EPB41L4A: variants seen among roughly 807,000 people sequenced by gnomAD.
The protein encoded by EPB41L4A is erythrocyte membrane protein band 4.1 like 4A.
EPB41L4A carries 100 observed loss-of-function variants against 108.6 expected under a neutral mutation model. The ratio of observed to expected loss-of-function variants is 0.92; its 90% confidence interval spans 0.78 to 1.09. EPB41L4A has a LOEUF of 1.09. Among genes scored for constraint, EPB41L4A ranks in the 50% least tolerant of loss-of-function variants. The pLI, the probability that EPB41L4A is intolerant of heterozygous loss-of-function variation, is 0.00. For missense variants in EPB41L4A, 1,030 were observed against 842.7 expected (o/e 1.22, Z -2.75); for synonymous variants, 319 against 289.0 (o/e 1.10, Z -1.05).
rs1762923800 is a variant in EPB41L4A at position 112,419,232 on chromosome 5, G to C, written c.-193C>G. 1 of 456,002 alleles carries C rather than the reference G, an allele frequency of 2.2e-6. No individual in the cohort carries two copies. Among genetic ancestry groups the C allele is most frequent in the Non-Finnish European group, 3.9e-6 (1 of 257,846 alleles). 28.2% of individuals were successfully genotyped at this position (456,002 alleles called of 1,614,324 possible). A position where few individuals can be genotyped will look rare whatever the true frequency, so the allele number is the denominator to read the frequency against. ...GGGAGCGAGAAAGGCGGAAAAGCCC[G>C]GGAGAGTCAGCGCCCGGGAGCCGCC... On this transcript the variant is annotated 5_prime_UTR_variant, in exon 1 of 23. Coordinates refer to ENST00000261486, the MANE Select transcript of EPB41L4A (RefSeq NM_022140.5).
rs1050520134 is a variant in EPB41L4A at position 112,289,872 on chromosome 5, G to C, written c.205-9549C>G. 5.3e-5 allele frequency among the ~76,000 whole-genome samples: 8 copies of C among 152,366 alleles called. No individual in the cohort carries two copies. The East Asian group carries it at 1.5e-3, about 29-fold the overall frequency. On this transcript the variant is annotated intron_variant, in intron 2 of 22. Coordinates refer to ENST00000261486, the MANE Select transcript of EPB41L4A (RefSeq NM_022140.5). The stretch of plus-strand genomic sequence containing the variant: ...GTAATTTAAAGCCCCTACATTTTGA[G>C]AGGGCTAGTTACACAACAAAGAGTA...
At chr5:112,358,769 G>C (rs1046434147) in intron 1 of EPB41L4A, among the ~76,000 whole-genome samples, 4 of 152,172 alleles carry the variant, frequency 2.6e-5, no homozygotes, top group Non-Finnish European at 4.4e-5. Flanking sequence ...GTTCAGGGCA[G>C]CTTTATTTGT....
chr5:112,379,708 C>T (rs1760041228), intron 1 of EPB41L4A, among the ~76,000 whole-genome samples: 1 of 152,198 alleles, frequency 6.6e-6, no homozygotes, highest in African/African-American at 2.4e-5. Flanking sequence ...CTGAGAAGTC[C>T]TGGCCAGCAT....
rs1056751685 is a variant in EPB41L4A, at chr5:112,211,206, C to A, written c.1088-1224G>T. Among the ~76,000 whole-genome samples the A allele has an allele frequency of 1.1e-4, 16 of 152,114 alleles. 1 individual carries two copies. Among genetic ancestry groups the A allele is most frequent in the African/African-American group, 3.4e-4 (14 of 41,414 alleles). On this transcript the variant is annotated intron_variant, in intron 12 of 22. Transcript: ENST00000261486. ...CTGGCTCCACAGACTTAGCTCTGAA[C>A]CACACACTACTTCCACCTGTGGCCC... is the stretch of plus-strand genomic sequence containing the variant.
chr5:112,207,071 G>A (rs1409835020), intron 13 of EPB41L4A: 1 of 152,158 alleles, frequency 6.6e-6, no homozygotes, highest in Admixed American at 6.6e-5. Flanking sequence ...AAACAGCATG[G>A]TATGGTACAA....
At chr5:112,366,667 T>C (rs769450093) in intron 1 of EPB41L4A, among the ~76,000 whole-genome samples, 2 of 151,836 alleles carry the variant, frequency 1.3e-5, no homozygotes, top group East Asian at 1.9e-4. Flanking sequence ...GTGTCTTCCA[T>C]TGGCTACAAC....
intron 1 of EPB41L4A, among the ~76,000 whole-genome samples, chr5:112,370,891 A>C (rs1759454098): frequency 6.6e-6 from 1 of 152,216 alleles, no homozygotes; most frequent in Non-Finnish European, 1.5e-5. Flanking sequence ...GTAAGCTGAG[A>C]CTGCACCACT....
intron 12 of EPB41L4A, among the ~76,000 whole-genome samples, chr5:112,227,395 T>G (rs1580473639): frequency 6.6e-6 from 1 of 152,146 alleles, no homozygotes; most frequent in Non-Finnish European, 1.5e-5. Context: ...TAGAAAGACA[T>G]CCTTTTGGTT....
At chr5:112,396,086 C>G (rs996380406) in intron 1 of EPB41L4A, among the ~76,000 whole-genome samples, 1 of 152,006 alleles carries the variant, frequency 6.6e-6, no homozygotes, top group Non-Finnish European at 1.5e-5. Flanking sequence ...ACATCACCCA[C>G]TGGGGCCTGT....
At chr5:112,313,452 G>A (rs1009247757) in intron 1 of EPB41L4A, among the ~76,000 whole-genome samples, 8 of 152,094 alleles carry the variant, frequency 5.3e-5, no homozygotes, top group South Asian at 2.1e-4. Flanking sequence ...TTAGCTGGGC[G>A]TAGTGGCGCG....
chr5:112,181,977 G>T (rs1055110086), intron 18 of EPB41L4A, among the ~76,000 whole-genome samples: 1 of 151,932 alleles, frequency 6.6e-6, no homozygotes, highest in African/African-American at 2.4e-5. Flanking sequence ...GGAGGCTGAG[G>T]CAGGAGAATG....
At chr5:112,167,388 C>G (rs1449862930) in intron 22 of EPB41L4A, among the ~76,000 whole-genome samples, 1 of 152,188 alleles carries the variant, frequency 6.6e-6, no homozygotes, top group Non-Finnish European at 1.5e-5. Context: ...CTCTCCCAGG[C>G]TGATCTCATC....
At chr5:112,336,119 G>A (rs1047312662) in intron 1 of EPB41L4A, among the ~76,000 whole-genome samples, 2 of 152,164 alleles carry the variant, frequency 1.3e-5, no homozygotes, top group African/African-American at 2.4e-5. Context: ...GGTCTTCCAA[G>A]AAAGAGGGAA....
chr5:112,419,324 C>T (rs1020049678), upstream of EPB41L4A: 1 of 348,006 alleles, frequency 2.9e-6, no homozygotes, highest in Non-Finnish European at 5.2e-6. Flanking sequence ...GCGGCTCGAG[C>T]TCCTCCGAAG....
intron 18 of EPB41L4A, among the ~76,000 whole-genome samples, chr5:112,171,813 T>A (rs542083500): frequency 1.3e-5 from 2 of 152,252 alleles, no homozygotes; most frequent in African/African-American, 4.8e-5. Context: ...CTTTCATCAG[T>A]CCCTTTAAGA....
intron 1 of EPB41L4A, among the ~76,000 whole-genome samples, chr5:112,397,950 A>G: frequency 6.6e-6 from 1 of 152,216 alleles, no homozygotes; most frequent in East Asian, 1.9e-4. Flanking sequence ...GGCCCCACAT[A>G]TCAAAAGCTT....
intron 11 of EPB41L4A, among the ~76,000 whole-genome samples, chr5:112,236,058 G>A (rs1253097593): frequency 6.6e-6 from 1 of 152,116 alleles, no homozygotes; most frequent in African/African-American, 2.4e-5. Flanking sequence ...AAAGACCTGG[G>A]CACTGTACAC....
chr5:112,306,367 T>C (rs770852156), intron 2 of EPB41L4A, among the ~76,000 whole-genome samples: 1 of 152,148 alleles, frequency 6.6e-6, no homozygotes, highest in African/African-American at 2.4e-5. Flanking sequence ...TTCCTTTCTA[T>C]GCAAAGCTAT....
At chr5:112,217,982 T>C (rs571153113) in intron 12 of EPB41L4A, among the ~76,000 whole-genome samples, 1 of 152,296 alleles carries the variant, frequency 6.6e-6, no homozygotes, top group South Asian at 2.1e-4. Context: ...GCTTTCGTCA[T>C]TACCAAAATG....
Sources: gnomAD v4.1 joint callset for allele counts (sites outside exome capture counted in the v4.1 genomes callset) on GRCh38, gnomAD v4.1.1 for gene constraint, MANE v1.5 for transcripts, NCBI Gene and HGNC (gene_info 2026-07-23, HGNC 2026-07-21) for gene names.